Variants in SRP19 observed in about 807,000 individuals in gnomAD.
SRP19 encodes signal recognition particle 19.
Under a neutral mutation model 22.4 loss-of-function variants are expected in SRP19, and 11 were observed. The ratio of observed to expected loss-of-function variants is 0.49; its 90% CI spans 0.31 to 0.81. SRP19 has a LOEUF of 0.81. Among genes scored for constraint, SRP19 ranks in the 40% least tolerant of loss-of-function variants. SRP19 has a pLI of 0.05. For synonymous variants in SRP19, 61 were observed against 57.6 expected (o/e 1.06, Z -0.27); for missense variants, 168 against 175.9 (o/e 0.96, Z 0.25).
downstream of SRP19, among the ~76,000 whole-genome samples, chr5:112,873,964 G>T (rs964650071): frequency 1.1e-4 from 17 of 151,414 alleles, no homozygotes; most frequent in Non-Finnish European, 2.9e-5. Context: ...AGGACTTCAA[G>T]ACCAGCCTGG....
chr5:112,861,439 C>T (rs930016958), intron 1 of SRP19, 22 bp downstream of exon 1: 1 of 1,610,134 alleles, frequency 6.2e-7, no homozygotes. Flanking sequence ...GGCGGTGGGT[C>T]CTCCGAAAGG....
downstream of SRP19, among the ~76,000 whole-genome samples, chr5:112,872,779 G>A (rs1003950019): frequency 1.3e-5 from 2 of 152,134 alleles, no homozygotes; most frequent in Non-Finnish European, 2.9e-5. Context: ...TGTGTATCCC[G>A]TGTATTCCTC....
chr5:112,880,945 A>G (rs923968820), intron 4 of SRP19, among the ~76,000 whole-genome samples: 30 of 152,142 alleles, frequency 2.0e-4, no homozygotes, highest in African/African-American at 7.0e-4. Context: ...CCTGGCCAAC[A>G]TGGCATAACG....
At position 112,892,101 on chromosome 5, in the gene SRP19, TA is replaced by T. The variant is rs746641681; in HGVS notation, c.*495del. ...ATCAGGCTGAAAATGATTTAGAAAA[TA>T]GTACCACATGGCAAAACCCAGAACC... On this transcript the variant is annotated 3_prime_UTR_variant, in exon 5 of 5. Coordinates refer to the SRP19 transcript ENST00000391338. 1.6e-5 allele frequency: 26 copies of T among 1,613,464 alleles called. No homozygotes were observed. In the African/African-American group the frequency reaches 3.2e-4, roughly 20 times the overall value.
chr5:112,866,949 A>G (rs1446572441), intron 4 of SRP19, among the ~76,000 whole-genome samples: 1 of 152,196 alleles, frequency 6.6e-6, no homozygotes, highest in Non-Finnish European at 1.5e-5. Context: ...GCAGAGCAGG[A>G]ATGCATGTAA....
intron 4 of SRP19, among the ~76,000 whole-genome samples, chr5:112,887,413 C>T (rs1177366531): frequency 6.6e-6 from 1 of 152,190 alleles, no homozygotes; most frequent in African/African-American, 2.4e-5. Flanking sequence ...AGGTAAAACA[C>T]ACCAGGTCCA....
At chr5:112,881,851 A>C (rs1768085110) in intron 4 of SRP19, 1 of 152,088 alleles carries the variant, frequency 6.6e-6, no homozygotes, top group Non-Finnish European at 1.5e-5. Flanking sequence ...CTGCAGCCTC[A>C]ACCTCCAGGC....
intron 4 of SRP19, among the ~76,000 whole-genome samples, chr5:112,875,193 A>G (rs780403930): frequency 6.6e-6 from 1 of 152,156 alleles, no homozygotes; most frequent in African/African-American, 2.4e-5. Flanking sequence ...AATATCCTCA[A>G]ATATGTTTAC....
Position 112,869,361 on chromosome 5 carries a change from C to T in SRP19, c.*1824C>T, listed in dbSNP as rs940836995. On this transcript the variant is annotated 3_prime_UTR_variant, in exon 5 of 5. Coordinates refer to ENST00000505459, the MANE Select transcript of SRP19 (RefSeq NM_003135.3). ...CCTTAGCCTCCCAAGTAGCTGAGAC[C>T]ATAGGCATGAGATTTCTCAAAATTC... The T allele has an allele frequency of 6.6e-6, 1 of 152,172 alleles. No homozygotes were observed. Among genetic ancestry groups the T allele is most frequent in the Non-Finnish European group, 1.5e-5 (1 of 68,072 alleles). 9.4% of individuals were successfully genotyped at this position (152,172 alleles called of 1,614,324 possible).
chr5:112,862,294 A>G (rs1207509680), intron 1 of SRP19: 3 of 595,980 alleles, frequency 5.0e-6, no homozygotes, highest in African/African-American at 1.9e-5. Context: ...CAGAAAGAGG[A>G]GTAGGCCCGC....
intron 4 of SRP19, among the ~76,000 whole-genome samples, chr5:112,879,924 C>G (rs912569410): frequency 1.3e-5 from 2 of 151,894 alleles, no homozygotes; most frequent in African/African-American, 4.8e-5. Flanking sequence ...CCCCCCACCT[C>G]TATTTTAAAA....
intron 4 of SRP19, 135 bp from the exon 5 acceptor site, chr5:112,867,269 G>T: frequency 1.9e-6 from 2 of 1,039,008 alleles, no homozygotes; most frequent in Non-Finnish European, 2.7e-6. Flanking sequence ...TCAGTCATTT[G>T]ATTTTTGATT....
At chr5:112,882,309 C>G (rs1355330703) in intron 4 of SRP19, among the ~76,000 whole-genome samples, 1 of 152,070 alleles carries the variant, frequency 6.6e-6, no homozygotes, top group Non-Finnish European at 1.5e-5. Flanking sequence ...CCCCACCCTG[C>G]TTTTTTGCTC....
chr5:112,879,735 C>A (rs1292454339), intron 4 of SRP19, among the ~76,000 whole-genome samples: 1 of 152,040 alleles, frequency 6.6e-6, no homozygotes, highest in Non-Finnish European at 1.5e-5. Flanking sequence ...CTTGGCCTCC[C>A]AAAGTGCTGG....
chr5:112,881,128 CAAAAAAAAAAA>C (rs58737941), intron 4 of SRP19, among the ~76,000 whole-genome samples: 2 of 67,204 alleles, frequency 3.0e-5, no homozygotes, highest in African/African-American at 6.1e-5. Flanking sequence ...GACTCTGTTT[CAAAAAAAAAAA>C]AAAAAAAAAA....
In SRP19 at chr5:112,867,746, T is replaced by G; in HGVS notation, c.*209T>G. 1 of 1,267,004 alleles carries G rather than the reference T, an allele frequency of 7.9e-7. No homozygotes were observed. The highest frequency in any genetic ancestry group is 9.9e-7 in the Non-Finnish European group (1 of 1,005,366). 78.5% of individuals were successfully genotyped at this position (1,267,004 alleles called of 1,614,324 possible). On this transcript the variant is annotated 3_prime_UTR_variant, in exon 5 of 5. Coordinates refer to ENST00000505459, the MANE Select transcript of SRP19 (RefSeq NM_003135.3). ...CGCGTATATGCCGTATAAAAGAATT[T>G]TTTTGTCTTTCAATGCAGTTTTTTG...
chr5:112,867,663 T>G lies in SRP19; in HGVS notation c.*126T>G. The G allele has an allele frequency of 7.3e-7, 1 of 1,373,636 alleles. No individual in the cohort carries two copies. The highest frequency in any genetic ancestry group is 9.4e-7 in the Non-Finnish European group (1 of 1,058,784). 85.1% of individuals were successfully genotyped at this position (1,373,636 alleles called of 1,614,324 possible). A position where few individuals can be genotyped will look rare whatever the true frequency, so the allele number is the denominator to read the frequency against. ...TAACTGAACTGTGAACCCTTGTGCC[T>G]CTCATCTTTATCATCGGAGTTGACA... On this transcript the variant is annotated 3_prime_UTR_variant, in exon 5 of 5. Coordinates refer to ENST00000505459, the MANE Select transcript of SRP19 (RefSeq NM_003135.3).
exon 5 of SRP19, chr5:112,892,909 A>G (rs761653494): frequency 6.2e-7 from 1 of 1,609,090 alleles, no homozygotes; most frequent in South Asian, 1.1e-5. Flanking sequence ...GGAGAGGCAC[A>G]ATTCACCAAG....
At position 112,861,324 on chromosome 5, in the gene SRP19, G is replaced by A; in HGVS notation, c.-53G>A. ...AAACTCAGAGCCGGGTTCCTCCCGG[G>A]TTTCTGCCGGGTTTCTCCCTGCGGC... On this transcript the variant is annotated 5_prime_UTR_variant, in exon 1 of 5. Transcript: ENST00000505459. 6.2e-7 allele frequency: 1 copy of A among 1,610,434 alleles called. No homozygotes were observed. The highest frequency in any genetic ancestry group is 8.5e-7 in the Non-Finnish European group (1 of 1,176,922).
Sources: allele counts gnomAD v4.1 joint callset (sites outside exome capture counted in the v4.1 genomes callset), GRCh38; gene constraint gnomAD v4.1.1; transcripts MANE v1.5; gene names NCBI Gene and HGNC (gene_info 2026-07-23, HGNC 2026-07-21).